The following ATRNL1 variants were observed in gnomAD, a reference collection of about 807,000 sequenced individuals.
The protein encoded by ATRNL1 is attractin-like protein 1.
Under a neutral mutation model 182.7 loss-of-function variants are expected in ATRNL1, and 95 were observed. That is an observed-to-expected ratio of 0.52 (90% CI 0.44 to 0.62). The LOEUF is 0.62. ATRNL1 is among the 20% of genes least tolerant of loss of function. ATRNL1 has a pLI of 0.00. For missense variants in ATRNL1, 1,471 were observed against 1,679.5 expected, an observed-to-expected ratio of 0.88 and a Z score of 2.17; for synonymous variants, 576 against 568.3, an observed-to-expected ratio of 1.01 and a Z score of -0.19.
rs571999979 is a variant in ATRNL1 at position 115,702,242 on chromosome 10, A to T, written c.3796-25006A>T. On this transcript the variant is annotated intron_variant, in intron 26 of 28. Coordinates refer to ENST00000355044, the MANE Select transcript of ATRNL1 (RefSeq NM_207303.4). ...ATCCCTTCATGATAAAAATCCTGAAAAAACTAGTCATCAAAGGAATGTACC... is the reference window on the plus strand; with the variant it reads ...ATCCCTTCATGATAAAAATCCTGAATAAACTAGTCATCAAAGGAATGTACC... 3.9e-4 allele frequency among the ~76,000 whole-genome samples: 59 copies of T among 152,016 alleles called. 1 individual carries two copies. In the South Asian group the frequency reaches 0.012, roughly 30 times the overall value.
chr10:115,587,321 A>C (rs2133905020), intron 26 of ATRNL1, among the ~76,000 whole-genome samples: 1 of 152,172 alleles, frequency 6.6e-6, no homozygotes, highest in Admixed American at 6.5e-5. Flanking sequence ...TGTTTACCTG[A>C]CCAAGCCTTG....
At chr10:115,567,477 G>A (rs1035242366) in intron 26 of ATRNL1, among the ~76,000 whole-genome samples, 26 of 152,182 alleles carry the variant, frequency 1.7e-4, no homozygotes, top group African/African-American at 5.1e-4. Context: ...TCTATTTTAT[G>A]CAGAAATTTA....
intron 17 of ATRNL1, among the ~76,000 whole-genome samples, chr10:115,311,859 ACTT>A (rs1427366454): frequency 4.6e-5 from 7 of 150,558 alleles, no homozygotes; most frequent in African/African-American, 1.5e-4. Flanking sequence ...TATATAATGA[ACTT>A]CTTTTTTTTT....
chr10:115,434,241 G>T (rs1053782853), intron 21 of ATRNL1, among the ~76,000 whole-genome samples: 1 of 151,998 alleles, frequency 6.6e-6, no homozygotes, highest in African/African-American at 2.4e-5. Flanking sequence ...ATAAAACATA[G>T]TTTTTCCCAA....
chr10:115,347,973 T>C (rs1314027583), intron 19 of ATRNL1, among the ~76,000 whole-genome samples: 3 of 152,150 alleles, frequency 2.0e-5, no homozygotes, highest in Non-Finnish European at 4.4e-5. Flanking sequence ...ATTTAACTTT[T>C]AACTTAATTT....
At chr10:115,115,649 C>G (rs2143574846) in intron 1 of ATRNL1, among the ~76,000 whole-genome samples, 1 of 152,202 alleles carries the variant, frequency 6.6e-6, no homozygotes, top group Admixed American at 6.5e-5. Context: ...AAAGGCCACC[C>G]TGCATAAAGA....
chr10:115,341,223 T>C (rs1215733910), intron 19 of ATRNL1, among the ~76,000 whole-genome samples: 2 of 152,120 alleles, frequency 1.3e-5, no homozygotes, highest in Non-Finnish European at 2.9e-5. Context: ...TGTGTTTCTA[T>C]TATCATGTTT....
chr10:115,336,438 G>T (rs1447862457), intron 19 of ATRNL1, among the ~76,000 whole-genome samples: 1 of 152,138 alleles, frequency 6.6e-6, no homozygotes, highest in African/African-American at 2.4e-5. Context: ...TCTTTCTAAA[G>T]TGTTTCAGTA....
intron 27 of ATRNL1, among the ~76,000 whole-genome samples, chr10:115,740,193 T>G (rs1438690740): frequency 6.6e-6 from 1 of 152,200 alleles, no homozygotes; most frequent in Non-Finnish European, 1.5e-5. Context: ...GAGTATTAAA[T>G]ATGCAAATTT....
chr10:115,945,301 T>G lies in ATRNL1; in HGVS notation c.*522T>G. 6.6e-6 allele frequency: 1 copy of G among 152,208 alleles called. No individual in the cohort carries two copies. Among genetic ancestry groups the G allele is most frequent in the East Asian group, 1.9e-4 (1 of 5,184 alleles). The allele number at this position is 152,208 out of a possible 1,614,324, so 9.4% of individuals were successfully genotyped here. A position where few individuals can be genotyped will look rare whatever the true frequency, so the allele number is the denominator to read the frequency against. ...AGGATGTAGGTAATGTATTTAAATA[T>G]TTCATATGACCATATCGTGTCCAAA... On this transcript the variant is annotated 3_prime_UTR_variant, in exon 29 of 29. Transcript: ENST00000355044.
At chr10:115,467,291 T>C in intron 23 of ATRNL1, 39 bp downstream of exon 23, 1 of 1,419,102 alleles carries the variant, frequency 7.0e-7, no homozygotes, top group Non-Finnish European at 9.8e-7. Flanking sequence ...TTACATGTGT[T>C]CCTATCTGGA....
At chr10:115,573,877 C>T (rs1352617740) in intron 26 of ATRNL1, among the ~76,000 whole-genome samples, 1 of 152,006 alleles carries the variant, frequency 6.6e-6, no homozygotes, top group African/African-American at 2.4e-5. Flanking sequence ...TATGACAGTA[C>T]CATTGCTTTC....
chr10:115,760,441 A>G, intron 27 of ATRNL1, among the ~76,000 whole-genome samples: 1 of 152,242 alleles, frequency 6.6e-6, no homozygotes, highest in African/African-American at 2.4e-5. Context: ...AATTTTAAAC[A>G]TTCCTAAATG....
chr10:115,475,202 TG>T (rs1460422056), intron 24 of ATRNL1, among the ~76,000 whole-genome samples: 6 of 151,666 alleles, frequency 4.0e-5, no homozygotes, highest in African/African-American at 9.6e-5. Context: ...ATGTTTTTAA[TG>T]TTTTTTTCAT....
chr10:115,663,111 T>A (rs1356493697), intron 26 of ATRNL1, among the ~76,000 whole-genome samples: 1 of 152,116 alleles, frequency 6.6e-6, no homozygotes, highest in African/African-American at 2.4e-5. Flanking sequence ...GGTTAGTATA[T>A]GCCAAGGCCT....
intron 27 of ATRNL1, among the ~76,000 whole-genome samples, chr10:115,779,808 C>A (rs566908556): frequency 2.6e-5 from 4 of 152,214 alleles, no homozygotes; most frequent in African/African-American, 9.6e-5. Context: ...TGGTACAAAA[C>A]ATATAGAAAA....
At chr10:115,312,162 T>C (rs1854067798) in intron 17 of ATRNL1, among the ~76,000 whole-genome samples, 1 of 152,150 alleles carries the variant, frequency 6.6e-6, no homozygotes, top group African/African-American at 2.4e-5. Flanking sequence ...TTGTTACTAG[T>C]TACTTTGTTT....
chr10:115,095,059 A>G lies in ATRNL1; in HGVS notation c.293+1016A>G, dbSNP rs541246216. On this transcript the variant is annotated intron_variant, in intron 1 of 28. Coordinates refer to ENST00000355044, the MANE Select transcript of ATRNL1 (RefSeq NM_207303.4). ...GGTGTTTATTACATTCTTGCCTGATATAAAAAGCAATGGGTCACAGTGTAG... is the reference window on the plus strand; with the variant it reads ...GGTGTTTATTACATTCTTGCCTGATGTAAAAAGCAATGGGTCACAGTGTAG... Among the ~76,000 whole-genome samples, 17 of 152,302 alleles carry G rather than the reference A, an allele frequency of 1.1e-4. No individual in the cohort carries two copies. In the East Asian group the frequency reaches 3.3e-3, roughly 29 times the overall value.
At chr10:115,719,361 A>G (rs1456013082) in intron 26 of ATRNL1, among the ~76,000 whole-genome samples, 1 of 152,232 alleles carries the variant, frequency 6.6e-6, no homozygotes, top group Non-Finnish European at 1.5e-5. Flanking sequence ...AAGTATACAC[A>G]GGTATATCAT....
Sources: gnomAD v4.1 joint callset for allele counts (sites outside exome capture counted in the v4.1 genomes callset) on GRCh38, gnomAD v4.1.1 for gene constraint, MANE v1.5 for transcripts, NCBI Gene and HGNC (gene_info 2026-07-23, HGNC 2026-07-21) for gene names.